Variants in NFYA observed in about 807,000 individuals in gnomAD.
The protein encoded by NFYA is nuclear transcription factor Y subunit alpha.
Under a neutral mutation model 52.8 loss-of-function variants are expected in NFYA, and 28 were observed. That is an observed-to-expected ratio of 0.53 (90% CI 0.39 to 0.73). The LOEUF (loss-of-function observed/expected upper bound fraction) is 0.73. Ranked by LOEUF, NFYA falls within the 30% of genes least tolerant of loss-of-function variation. NFYA has a pLI of 0.00. For synonymous variants in NFYA, 150 were observed against 150.7 expected, an observed-to-expected ratio of 1.00 and a Z score of 0.03; for missense variants, 234 against 427.0, an observed-to-expected ratio of 0.55 and a Z score of 3.98.
Position 41,099,838 on chromosome 6 carries a change from A to G in NFYA, c.*2428A>G, listed in dbSNP as rs1169298070. On this transcript the variant is annotated 3_prime_UTR_variant, in exon 10 of 10. Transcript: ENST00000341376. ...ATTTTGTGGCTATAGGGTGCCTGAT[A>G]ATAATGTCTTGATTTTTCTTTGGGA... is the stretch of plus-strand genomic sequence containing the variant. 1 of 151,990 alleles carries G rather than the reference A, an allele frequency of 6.6e-6. No homozygotes were observed. The highest frequency in any genetic ancestry group is 2.4e-5 in the African/African-American group (1 of 41,358). 9.4% of individuals were successfully genotyped at this position (151,990 alleles called of 1,614,324 possible).
intron 3 of NFYA, among the ~76,000 whole-genome samples, chr6:41,082,803 GAGAT>G (rs1490252763): frequency 2.6e-5 from 4 of 152,216 alleles, no homozygotes; most frequent in Admixed American, 6.5e-5. Flanking sequence ...ATAAGGGAAA[GAGAT>G]AGCATGAGAG....
rs2113831835 is a variant in NFYA at position 41,100,045 on chromosome 6, T to A, written c.*2635T>A. On this transcript the variant is annotated 3_prime_UTR_variant, in exon 10 of 10. Transcript: ENST00000341376. ...TGTGTTTCCAGTGTTGAAATTTTGATCTCCCCCGACAAGACTTGTCTGCAT... is the reference window on the plus strand; with the variant it reads ...TGTGTTTCCAGTGTTGAAATTTTGAACTCCCCCGACAAGACTTGTCTGCAT... 6.6e-6 allele frequency: 1 copy of A among 152,302 alleles called. No individual in the cohort carries two copies. The highest frequency in any genetic ancestry group is 2.1e-4 in the South Asian group (1 of 4,828). The allele number at this position is 152,302 out of a possible 1,614,324, so 9.4% of individuals were successfully genotyped here. A position where few individuals can be genotyped will look rare whatever the true frequency, so the allele number is the denominator to read the frequency against.
At chr6:41,096,651 C>G (rs1025843819) in intron 9 of NFYA, among the ~76,000 whole-genome samples, 1 of 152,190 alleles carries the variant, frequency 6.6e-6, no homozygotes, top group African/African-American at 2.4e-5. Flanking sequence ...TCCTGCCTAC[C>G]AAGGCTTCAG....
At position 41,091,586 on chromosome 6, in the gene NFYA, G is replaced by A. The variant is rs1332683674; in HGVS notation, c.606G>A (p.Gln202=). The A allele has an allele frequency of 3.1e-6, 5 of 1,614,214 alleles. No homozygotes were observed. The highest frequency in any genetic ancestry group is 4.2e-6 in the Non-Finnish European group (5 of 1,180,024). Residue 202 remains glutamine (Q), a synonymous_variant, in exon 7 of 10, where the codon CAG becomes CAA. Coordinates refer to ENST00000341376, the MANE Select transcript of NFYA (RefSeq NM_002505.5). ...TIPAASLAGA[Q]IVQTGANTNT... is the part of the protein sequence containing the mutation. ...CAGCAGCCAGTTTGGCAGGAGCACA[G>A]ATTGTTCAAACAGGAGCCAATACCA...
chr6:41,076,857 A>C (rs553000253), intron 1 of NFYA, among the ~76,000 whole-genome samples: 1 of 152,338 alleles, frequency 6.6e-6, no homozygotes, highest in South Asian at 2.1e-4. Flanking sequence ...TACTGAAGCC[A>C]GTTGCTTATA....
rs890510189 is a variant in NFYA, at chr6:41,099,801, G to T, written c.*2391G>T. On this transcript the variant is annotated 3_prime_UTR_variant, in exon 10 of 10. Transcript: ENST00000341376. Reference sequence around the variant, plus strand: ...GAACATGTCAGTGTCGATGCCACTGGACCAACAGAGCATTTTGTGGCTATA... The same window carrying T: ...GAACATGTCAGTGTCGATGCCACTGTACCAACAGAGCATTTTGTGGCTATA... The T allele has an allele frequency of 2.0e-5, 3 of 151,796 alleles. No homozygotes were observed. The highest frequency in any genetic ancestry group is 2.0e-4 in the Admixed American group (3 of 15,242). 9.4% of individuals were successfully genotyped at this position (151,796 alleles called of 1,614,324 possible).
chr6:41,092,761 A>C (rs1210614433), intron 7 of NFYA, 151 bp from the exon 8 acceptor site: 1 of 668,696 alleles, frequency 1.5e-6, no homozygotes, highest in African/African-American at 1.8e-5. Context: ...TCTTTAGTAT[A>C]AATTTCTCCA....
chr6:41,089,784 T>C, intron 5 of NFYA, 74 bp downstream of exon 5: 2 of 1,532,038 alleles, frequency 1.3e-6, no homozygotes, highest in Non-Finnish European at 1.8e-6. Context: ...AGATATTTCA[T>C]GTATAGCATG....
At chr6:41,092,497 G>GT (rs1764222986) in intron 7 of NFYA, among the ~76,000 whole-genome samples, 1 of 152,186 alleles carries the variant, frequency 6.6e-6, no homozygotes, top group African/African-American at 2.4e-5. Context: ...GTGTTTTGGT[G>GT]TTTTTTAAGA....
At chr6:41,095,959 C>T (rs1764346025) in intron 9 of NFYA, among the ~76,000 whole-genome samples, 1 of 152,162 alleles carries the variant, frequency 6.6e-6, no homozygotes. Context: ...TAATAGATTC[C>T]TCCCATTTGC....
chr6:41,092,924 G>T lies in NFYA; in HGVS notation c.727G>T (p.Ala243Ser). Residue 243 changes from alanine to serine, a missense_variant, in exon 8 of 10, where the codon GCT becomes TCT. Ala to Ser is a moderately conservative substitution (Grantham distance 99, BLOSUM62 1). Transcript: ENST00000341376. ...CCTGTTCACACAGATGGTTCCTGGGGCTGGCTCTGTGCCTGCTATCCAAAG... is the reference window on the plus strand; with the variant it reads ...CCTGTTCACACAGATGGTTCCTGGGTCTGGCTCTGTGCCTGCTATCCAAAG... Reference protein sequence around the residue: ...SGGMVMMVPGAGSVPAIQRIP... With the variant: ...SGGMVMMVPGSGSVPAIQRIP... The T allele has an allele frequency of 1.9e-6, 3 of 1,613,544 alleles. No homozygotes were observed. Among genetic ancestry groups the T allele is most frequent in the Non-Finnish European group, 1.7e-6 (2 of 1,179,668 alleles).
intron 5 of NFYA, 112 bp downstream of exon 5, chr6:41,089,822 A>T: frequency 6.9e-7 from 1 of 1,440,534 alleles, no homozygotes; most frequent in Non-Finnish European, 9.3e-7. Flanking sequence ...TGAAAACCAT[A>T]AAAAAATATA....
chr6:41,096,716 C>T lies in NFYA; in HGVS notation c.991-641C>T, dbSNP rs549727764. Reference sequence around the variant, plus strand: ...TCTTGCGGAGTGTTGCAAAAAGCTTCCAAGGATTTATCCTTGTGTTAACAC... The same window carrying T: ...TCTTGCGGAGTGTTGCAAAAAGCTTTCAAGGATTTATCCTTGTGTTAACAC... On this transcript the variant is annotated intron_variant, in intron 9 of 9. Coordinates refer to ENST00000341376, the MANE Select transcript of NFYA (RefSeq NM_002505.5). Among the ~76,000 whole-genome samples the T allele has an allele frequency of 4.6e-5, 7 of 152,276 alleles. No individual in the cohort carries two copies. The South Asian group carries it at 1.5e-3, about 32-fold the overall frequency.
At chr6:41,093,201 CTTG>C (rs141861986) in intron 8 of NFYA, 116 bp downstream of exon 8, 16,213 of 852,602 alleles carry the variant, frequency 0.019, 208 homozygotes, top group Non-Finnish European at 0.024. Flanking sequence ...ACGTTAGATA[CTTG>C]TTGTCTCTTT....
chr6:41,084,747 G>C (rs1013296600), intron 4 of NFYA, among the ~76,000 whole-genome samples: 2 of 152,228 alleles, frequency 1.3e-5, no homozygotes, highest in African/African-American at 4.8e-5. Context: ...TGGATCACTT[G>C]AGGCCAGGAG....
intron 6 of NFYA, among the ~76,000 whole-genome samples, chr6:41,091,186 T>C (rs1764189504): frequency 6.6e-6 from 1 of 152,228 alleles, no homozygotes; most frequent in Non-Finnish European, 1.5e-5. Flanking sequence ...ATCTCTGTCC[T>C]GAAGCAGATT....
intron 7 of NFYA, among the ~76,000 whole-genome samples, chr6:41,092,248 C>G (rs554878207): frequency 6.6e-6 from 1 of 152,318 alleles, no homozygotes; most frequent in East Asian, 1.9e-4. Context: ...AGAACCAACC[C>G]TGGCTCAGTG....
At chr6:41,095,463 A>G (rs1764323165) in intron 9 of NFYA, among the ~76,000 whole-genome samples, 1 of 152,152 alleles carries the variant, frequency 6.6e-6, no homozygotes. Context: ...ATGTTCTTAC[A>G]ACATCTTTTC....
chr6:41,084,228 G>C (rs761903452), intron 4 of NFYA, 36 bp downstream of exon 4: 19 of 1,600,948 alleles, frequency 1.2e-5, no homozygotes, highest in South Asian at 2.2e-5. Context: ...CAGTATATCA[G>C]AGGAGAGGTT....
Sources: gnomAD v4.1 joint callset for allele counts (sites outside exome capture counted in the v4.1 genomes callset) on GRCh38, gnomAD v4.1.1 for gene constraint, MANE v1.5 for transcripts, NCBI Gene and HGNC (gene_info 2026-07-23, HGNC 2026-07-21) for gene names.